ZNF385B: variants seen among roughly 807,000 people sequenced by gnomAD.
ZNF385B encodes zinc finger protein 533.
A neutral mutation model predicts 39.2 loss-of-function variants in ZNF385B; 23 were observed. The ratio of observed to expected loss-of-function variants is 0.59; its 90% CI spans 0.42 to 0.83. The LOEUF (loss-of-function observed/expected upper bound fraction) is 0.83, where lower values mean the gene tolerates loss of function less well. Ranked by LOEUF, ZNF385B falls within the 40% of genes least tolerant of loss-of-function variation. The pLI, the probability that ZNF385B is intolerant of heterozygous loss-of-function variation, is 0.00. For synonymous variants in ZNF385B, 205 were observed against 222.6 expected (o/e 0.92, Z 0.70); for missense variants, 552 against 598.9 (o/e 0.92, Z 0.82).
At chr2:179,536,479 CAAGAGGA>C (rs2059575226) in intron 4 of ZNF385B, 1 of 152,188 alleles carries the variant, frequency 6.6e-6, no homozygotes, top group Non-Finnish European at 1.5e-5. Flanking sequence ...AAGGGACATA[CAAGAGGA>C]CACAGCATGG....
At chr2:179,444,755 G>A (rs2105529531) in intron 9 of ZNF385B, 121 bp downstream of exon 9, 2 of 818,316 alleles carry the variant, frequency 2.4e-6, no homozygotes, top group South Asian at 3.0e-5. Context: ...TTCTGTCTAT[G>A]AGGGCTATTT....
At chr2:179,599,542 T>C (rs752787628) in intron 3 of ZNF385B, among the ~76,000 whole-genome samples, 1 of 152,246 alleles carries the variant, frequency 6.6e-6, no homozygotes. Flanking sequence ...TATGTGGAAC[T>C]GTTTTCTCTC....
chr2:179,713,434 T>C (rs570138875), intron 3 of ZNF385B, among the ~76,000 whole-genome samples: 1 of 152,308 alleles, frequency 6.6e-6, no homozygotes, highest in African/African-American at 2.4e-5. Context: ...TTCAACTAGT[T>C]AGCTCCTATT....
At chr2:179,714,961 A>AAAG (rs1553516033) in intron 3 of ZNF385B, among the ~76,000 whole-genome samples, 2 of 150,614 alleles carry the variant, frequency 1.3e-5, no homozygotes, top group African/African-American at 4.9e-5. Context: ...AAAAAAAAAA[A>AAAG]CAGTTTCCTG....
chr2:179,443,025 G>A lies in ZNF385B; in HGVS notation c.*225C>T. On this transcript the variant is annotated 3_prime_UTR_variant, in exon 10 of 10. Coordinates refer to ENST00000410066, the MANE Select transcript of ZNF385B (RefSeq NM_152520.6). ...ACGCGGTAGGGTGGGGGAGGAAGTA[G>A]GGAGATAAAGCCTATGCTGCTGATT... 3.3e-6 allele frequency: 2 copies of A among 612,018 alleles called. No homozygotes were observed. The highest frequency in any genetic ancestry group is 2.9e-6 in the Non-Finnish European group (1 of 344,640). 37.9% of individuals were successfully genotyped at this position (612,018 alleles called of 1,614,324 possible).
At chr2:179,675,150 T>G (rs1239965449) in intron 3 of ZNF385B, among the ~76,000 whole-genome samples, 1 of 152,354 alleles carries the variant, frequency 6.6e-6, no homozygotes, top group East Asian at 1.9e-4. Flanking sequence ...ATATAGCAGA[T>G]GTATTATACA....
At chr2:179,532,919 T>G (rs2059341335) in intron 4 of ZNF385B, among the ~76,000 whole-genome samples, 1 of 152,166 alleles carries the variant, frequency 6.6e-6, no homozygotes, top group African/African-American at 2.4e-5. Flanking sequence ...GCAGAGGATA[T>G]TTCAGTGATA....
At chr2:179,670,891 T>C (rs186126651) in intron 3 of ZNF385B, among the ~76,000 whole-genome samples, 184 of 152,300 alleles carry the variant, frequency 1.2e-3, no homozygotes, top group African/African-American at 4.2e-3. Context: ...GGGCTCTGGG[T>C]CAGAATAACT....
At chr2:179,834,785 A>C (rs958279040) in intron 1 of ZNF385B, among the ~76,000 whole-genome samples, 2 of 152,220 alleles carry the variant, frequency 1.3e-5, no homozygotes, top group East Asian at 3.8e-4. Context: ...ACCTTTACCA[A>C]ATAATCAAGT....
intron 3 of ZNF385B, among the ~76,000 whole-genome samples, chr2:179,665,538 T>C (rs773802081): frequency 1.4e-4 from 21 of 152,236 alleles, no homozygotes; most frequent in Admixed American, 9.8e-4. Context: ...CTTTATAACC[T>C]GGCCCTCATT....
chr2:179,703,403 C>T (rs1343931257), intron 3 of ZNF385B, among the ~76,000 whole-genome samples: 1 of 151,602 alleles, frequency 6.6e-6, no homozygotes, highest in Non-Finnish European at 1.5e-5. Flanking sequence ...ACTTCAAAAC[C>T]CTCTTCCTTA....
intron 6 of ZNF385B, among the ~76,000 whole-genome samples, chr2:179,468,464 T>C (rs1255091532): frequency 1.3e-5 from 2 of 152,146 alleles, no homozygotes; most frequent in Non-Finnish European, 2.9e-5. Flanking sequence ...AATGAGTAAC[T>C]CATGTCGCTC....
chr2:179,609,712 C>T (rs1229067365), intron 3 of ZNF385B, among the ~76,000 whole-genome samples: 1 of 152,202 alleles, frequency 6.6e-6, no homozygotes, highest in East Asian at 1.9e-4. Flanking sequence ...CAAAGAGTCG[C>T]TTCTCTCCAT....
chr2:179,794,152 T>C (rs1258333096), intron 1 of ZNF385B, among the ~76,000 whole-genome samples: 1 of 152,190 alleles, frequency 6.6e-6, no homozygotes, highest in African/African-American at 2.4e-5. Flanking sequence ...CAGTCTTCTG[T>C]TTTTACAATC....
At chr2:179,763,247 G>C (rs1168407543) in intron 3 of ZNF385B, among the ~76,000 whole-genome samples, 2 of 152,090 alleles carry the variant, frequency 1.3e-5, no homozygotes, top group Non-Finnish European at 2.9e-5. Context: ...GTTATTTATG[G>C]TTTCTGAAGG....
At chr2:179,482,063 A>G (rs897577241) in intron 6 of ZNF385B, among the ~76,000 whole-genome samples, 2 of 152,216 alleles carry the variant, frequency 1.3e-5, no homozygotes, top group African/African-American at 4.8e-5. Context: ...CAAAGAACAA[A>G]AAGTCTTTAT....
At chr2:179,602,041 T>C (rs1277926925) in intron 3 of ZNF385B, among the ~76,000 whole-genome samples, 1 of 152,186 alleles carries the variant, frequency 6.6e-6, no homozygotes, top group African/African-American at 2.4e-5. Context: ...ATAAAGTCTA[T>C]GGCATCAAAT....
intron 2 of ZNF385B, among the ~76,000 whole-genome samples, chr2:179,770,247 T>C (rs192469174): frequency 9.0e-4 from 137 of 152,358 alleles, no homozygotes; most frequent in African/African-American, 3.2e-3. Context: ...ACTTGGCTTA[T>C]GTCTGTCTCC....
chr2:179,712,039 A>T (rs771109988), intron 3 of ZNF385B, among the ~76,000 whole-genome samples: 1 of 151,990 alleles, frequency 6.6e-6, no homozygotes. Context: ...TGCCATCCCT[A>T]TTGAAGTCAA....
Sources: gnomAD v4.1 joint callset for allele counts (sites outside exome capture counted in the v4.1 genomes callset) on GRCh38, gnomAD v4.1.1 for gene constraint, MANE v1.5 for transcripts, NCBI Gene and HGNC (gene_info 2026-07-23, HGNC 2026-07-21) for gene names.